The following UBR3 variants were observed in gnomAD, a reference collection of about 807,000 sequenced individuals.
The protein encoded by UBR3 is E3 ubiquitin-protein ligase UBR3.
UBR3 carries 85 observed loss-of-function variants against 243.2 expected under a neutral mutation model. That is an observed-to-expected ratio of 0.35 (90% CI 0.29 to 0.42). The LOEUF (loss-of-function observed/expected upper bound fraction) is 0.42. Among genes scored for constraint, UBR3 ranks in the 10% least tolerant of loss-of-function variants. The pLI, the probability that UBR3 is intolerant of heterozygous loss-of-function variation, is 1.00. For missense variants in UBR3, 1,686 were observed against 2,300.8 expected (o/e 0.73, Z 5.47); for synonymous variants, 748 against 799.8 (o/e 0.94, Z 1.09).
chr2:169,964,849 C>T (rs2105371530), intron 24 of UBR3: 1 of 456,700 alleles, frequency 2.2e-6, no homozygotes, highest in South Asian at 1.5e-5. Flanking sequence ...ACAGGAAGAA[C>T]AATTGAGGGA....
intron 1 of UBR3, among the ~76,000 whole-genome samples, chr2:169,846,727 A>AG (rs1559013888): frequency 6.6e-6 from 1 of 151,336 alleles, no homozygotes. Context: ...AAAAAAAAAA[A>AG]TCTTCTTTTA....
intron 24 of UBR3, among the ~76,000 whole-genome samples, chr2:169,969,683 G>A (rs548809422): frequency 6.6e-6 from 1 of 151,716 alleles, no homozygotes; most frequent in African/African-American, 2.4e-5. Context: ...CAAGCAGCTG[G>A]GACAACAGGC....
In UBR3 at chr2:169,981,526, C is replaced by T. The variant is rs192902364; in HGVS notation, c.3635-5119C>T. Among the ~76,000 whole-genome samples the T allele has an allele frequency of 2.6e-5, 4 of 151,960 alleles. No homozygotes were observed. The East Asian group carries it at 7.7e-4, about 29-fold the overall frequency. ...TGTCAAGTTCATCAAAGCAAGGAAACAAGGAAAGTCTGAGAAACTGTCACA... is the reference window on the plus strand; with the variant it reads ...TGTCAAGTTCATCAAAGCAAGGAAATAAGGAAAGTCTGAGAAACTGTCACA... On this transcript the variant is annotated intron_variant, in intron 24 of 38. Coordinates refer to ENST00000272793, the MANE Select transcript of UBR3 (RefSeq NM_172070.4).
At chr2:170,079,003 T>A (rs1307060249) in intron 36 of UBR3, among the ~76,000 whole-genome samples, 4 of 152,190 alleles carry the variant, frequency 2.6e-5, no homozygotes, top group Non-Finnish European at 5.9e-5. Flanking sequence ...ACTCCACTGA[T>A]TTAGGTGGAT....
intron 33 of UBR3, among the ~76,000 whole-genome samples, chr2:170,055,865 A>G (rs1341899053): frequency 6.7e-6 from 1 of 149,252 alleles, no homozygotes; most frequent in Non-Finnish European, 1.5e-5. Context: ...TTGTGCTAAC[A>G]CAGTGAGCAC....
chr2:169,831,127 ATTTTTTTTTTT>A (rs34139528), intron 1 of UBR3, among the ~76,000 whole-genome samples: 2 of 56,462 alleles, frequency 3.5e-5, no homozygotes, highest in East Asian at 9.0e-4. Flanking sequence ...ATATATATAT[ATTTTTTTTTTT>A]TTTTTTTTTT....
intron 30 of UBR3, among the ~76,000 whole-genome samples, chr2:170,022,021 G>A (rs918027549): frequency 6.6e-6 from 1 of 152,132 alleles, no homozygotes; most frequent in Non-Finnish European, 1.5e-5. Context: ...TAAACGAGGT[G>A]CTTAAATAAG....
chr2:169,851,241 C>T (rs2082646104), intron 1 of UBR3, among the ~76,000 whole-genome samples: 1 of 152,198 alleles, frequency 6.6e-6, no homozygotes, highest in African/African-American at 2.4e-5. Flanking sequence ...TATCTCACCT[C>T]AGCCTCCTGA....
intron 19 of UBR3, among the ~76,000 whole-genome samples, chr2:169,935,392 C>T (rs1021572741): frequency 1.3e-5 from 2 of 152,128 alleles, no homozygotes; most frequent in African/African-American, 2.4e-5. Context: ...TGGTGTTGAA[C>T]TCTTAGTCTC....
chr2:169,925,266 A>G (rs2085866163), intron 13 of UBR3, among the ~76,000 whole-genome samples: 1 of 152,120 alleles, frequency 6.6e-6, no homozygotes, highest in Non-Finnish European at 1.5e-5. Flanking sequence ...TTAAACATGT[A>G]TATTAGGATT....
chr2:170,055,004 A>T (rs1398244425), intron 32 of UBR3, among the ~76,000 whole-genome samples: 2 of 152,230 alleles, frequency 1.3e-5, no homozygotes, highest in Non-Finnish European at 1.5e-5. Flanking sequence ...GGCAGCAAAT[A>T]TAATAGTACA....
At chr2:169,942,113 A>T (rs567337387) in intron 19 of UBR3, among the ~76,000 whole-genome samples, 41 of 152,250 alleles carry the variant, frequency 2.7e-4, no homozygotes, top group African/African-American at 9.1e-4. Context: ...GATTACATTT[A>T]TATTTTATCC....
At chr2:169,930,315 A>G (rs1015534194) in intron 18 of UBR3, among the ~76,000 whole-genome samples, 1 of 152,120 alleles carries the variant, frequency 6.6e-6, no homozygotes, top group Non-Finnish European at 1.5e-5. Flanking sequence ...GAGCAAGGAA[A>G]TTGAGTGTCA....
chr2:169,836,065 A>C (rs1358516354), intron 1 of UBR3, among the ~76,000 whole-genome samples: 1 of 27,930 alleles, frequency 3.6e-5, no homozygotes, highest in Non-Finnish European at 6.5e-5. Context: ...ATATATATAT[A>C]TATTTTTTTT....
At chr2:169,967,240 C>A (rs1164517540) in intron 24 of UBR3, among the ~76,000 whole-genome samples, 2 of 126,108 alleles carry the variant, frequency 1.6e-5, no homozygotes, top group Non-Finnish European at 1.7e-5. Flanking sequence ...GCCCCCCCCA[C>A]CCCCCTACAG....
intron 21 of UBR3, among the ~76,000 whole-genome samples, chr2:169,947,082 C>T (rs2086814667): frequency 6.6e-6 from 1 of 152,012 alleles, no homozygotes; most frequent in African/African-American, 2.4e-5. Context: ...AAAGAAACCA[C>T]TTTGTAGTTC....
Position 169,870,493 on chromosome 2 carries a change from C to G in UBR3, c.546-1743C>G, listed in dbSNP as rs187021821. 2.1e-3 allele frequency among the ~76,000 whole-genome samples: 322 copies of G among 151,926 alleles called. 1 individual carries two copies. The highest frequency in any genetic ancestry group is 7.3e-3 in the African/African-American group (302 of 41,448). On this transcript the variant is annotated intron_variant, in intron 1 of 38. Transcript: ENST00000272793. ...TTAATTAAAATAATTTTATACTGTG[C>G]TTTAAGGTCCAGTTCATTATCATTA...
chr2:170,077,267 T>C (rs1315297425), intron 36 of UBR3: 3 of 741,390 alleles, frequency 4.0e-6, no homozygotes, highest in African/African-American at 3.4e-5. Context: ...ATTTTCAGGA[T>C]TGTTGGTAAC....
intron 28 of UBR3, 142 bp downstream of exon 28, chr2:170,007,332 A>T: frequency 1.2e-6 from 1 of 809,516 alleles, no homozygotes; most frequent in Non-Finnish European, 1.9e-6. Context: ...TCTTCTATTT[A>T]TACTTAAATA....
Sources: gnomAD v4.1 joint callset for allele counts (sites outside exome capture counted in the v4.1 genomes callset) on GRCh38, gnomAD v4.1.1 for gene constraint, MANE v1.5 for transcripts, NCBI Gene and HGNC (gene_info 2026-07-23, HGNC 2026-07-21) for gene names.